The following UST variants were observed in gnomAD, a reference collection of about 807,000 sequenced individuals.
The protein encoded by UST is uronyl 2-sulfotransferase.
Under a neutral mutation model 45.6 loss-of-function variants are expected in UST, and 21 were observed. The ratio of observed to expected loss-of-function variants is 0.46; its 90% CI spans 0.33 to 0.66. The LOEUF (loss-of-function observed/expected upper bound fraction) is 0.66. Ranked by LOEUF, UST falls within the 30% of genes least tolerant of loss-of-function variation. The pLI, the probability that UST is intolerant of heterozygous loss-of-function variation, is 0.02. For missense variants in UST, 463 were observed against 512.4 expected (o/e 0.90, Z 0.93); for synonymous variants, 215 against 200.6 (o/e 1.07, Z -0.61).
intron 5 of UST, among the ~76,000 whole-genome samples, chr6:148,988,309 C>T (rs1451462961): frequency 6.6e-6 from 1 of 152,094 alleles, no homozygotes; most frequent in Admixed American, 6.5e-5. Context: ...TGCGGTGGCT[C>T]ATGCCTGTAA....
intron 6 of UST, among the ~76,000 whole-genome samples, chr6:149,020,210 G>A (rs1775958537): frequency 6.6e-6 from 1 of 152,104 alleles, no homozygotes; most frequent in Non-Finnish European, 1.5e-5. Context: ...TGTTTCATTT[G>A]CCATAACAAA....
chr6:149,008,410 C>T lies in UST; in HGVS notation c.682-10729C>T, dbSNP rs564083090. On this transcript the variant is annotated intron_variant, in intron 5 of 7. Coordinates refer to ENST00000367463, the MANE Select transcript of UST (RefSeq NM_005715.3). Reference sequence around the variant, plus strand: ...TGTGCTTGAGGTGGGTGGAACTCGCCCTTGTTGGACAATTTTCAGCATAAG... The same window carrying T: ...TGTGCTTGAGGTGGGTGGAACTCGCTCTTGTTGGACAATTTTCAGCATAAG... Among the ~76,000 whole-genome samples the T allele has an allele frequency of 2.6e-5, 4 of 152,210 alleles. No individual in the cohort carries two copies. The South Asian group carries it at 8.3e-4, about 32-fold the overall frequency.
At chr6:148,771,119 A>G (rs1034503660) in intron 1 of UST, among the ~76,000 whole-genome samples, 13 of 151,462 alleles carry the variant, frequency 8.6e-5, no homozygotes, top group Admixed American at 2.0e-4. Context: ...AAAAATCTCC[A>G]GTGTGCTTTT....
chr6:148,993,956 CTTTTTTTTTTTT>C lies in UST; in HGVS notation c.682-25166_682-25155del, dbSNP rs57552256. 3.8e-4 allele frequency among the ~76,000 whole-genome samples: 36 copies of C among 95,362 alleles called. 1 individual carries two copies. The highest frequency in any genetic ancestry group is 1.6e-3 in the African/African-American group (34 of 21,860). 62.6% of individuals were successfully genotyped at this position (95,362 alleles called of 152,430 possible). ...TTACCCAGTCTTGAATATTTCTTTC[CTTTTTTTTTTTT>C]TTTTTTTTTTTTTTTTGTTGAGACA... On this transcript the variant is annotated intron_variant, in intron 5 of 7. Transcript: ENST00000367463.
intron 5 of UST, among the ~76,000 whole-genome samples, chr6:149,013,199 T>G (rs192451474): frequency 1.3e-5 from 2 of 152,294 alleles, no homozygotes; most frequent in Admixed American, 1.3e-4. Flanking sequence ...CTCGTAAGTT[T>G]TGGTATCTAA....
At chr6:148,750,739 A>G (rs1171050335) in intron 1 of UST, among the ~76,000 whole-genome samples, 2 of 152,194 alleles carry the variant, frequency 1.3e-5, no homozygotes, top group African/African-American at 4.8e-5. Flanking sequence ...CAGAGAAGGG[A>G]AATAATTCAA....
intron 2 of UST, among the ~76,000 whole-genome samples, chr6:148,935,854 A>G (rs138021600): frequency 6.6e-6 from 1 of 152,306 alleles, no homozygotes; most frequent in Non-Finnish European, 1.5e-5. Context: ...GGAAGGAGAG[A>G]GAGGCTAATC....
intron 5 of UST, among the ~76,000 whole-genome samples, chr6:149,015,115 C>T (rs959501520): frequency 6.6e-6 from 1 of 152,050 alleles, no homozygotes; most frequent in Non-Finnish European, 1.5e-5. Flanking sequence ...TGAGACCAGC[C>T]GGCCCTTTAG....
chr6:148,769,730 A>G (rs1264476156), intron 1 of UST, among the ~76,000 whole-genome samples: 4 of 150,198 alleles, frequency 2.7e-5, no homozygotes, highest in African/African-American at 1.0e-4. Context: ...ATGGGAGTAT[A>G]GGAATGTAGG....
intron 5 of UST, among the ~76,000 whole-genome samples, chr6:149,009,733 C>T (rs948108698): frequency 1.6e-4 from 24 of 151,836 alleles, no homozygotes; most frequent in African/African-American, 5.8e-4. Flanking sequence ...TAGAATCCAG[C>T]TAAATGGGAT....
At position 149,017,819 on chromosome 6, in the gene UST, C is replaced by T. The variant is rs972785811; in HGVS notation, c.682-1320C>T. On this transcript the variant is annotated intron_variant, in intron 5 of 7. Transcript: ENST00000367463. ...ATATATACACACACACACACACACACACACACACACACACACACATCTGTC... is the reference window on the plus strand; with the variant it reads ...ATATATACACACACACACACACACATACACACACACACACACACATCTGTC... Among the ~76,000 whole-genome samples the T allele has an allele frequency of 9.3e-3, 1,410 of 151,592 alleles. 32 individuals carry two copies. Among genetic ancestry groups the T allele is most frequent in the African/African-American group, 0.033 (1,339 of 41,078 alleles).
intron 1 of UST, among the ~76,000 whole-genome samples, chr6:148,886,056 T>A (rs1778907485): frequency 6.6e-6 from 1 of 152,226 alleles, no homozygotes; most frequent in South Asian, 2.1e-4. Flanking sequence ...GCTCCCCAGG[T>A]GATCAGATGT....
At chr6:148,833,885 C>T (rs1777737907) in intron 1 of UST, among the ~76,000 whole-genome samples, 1 of 152,212 alleles carries the variant, frequency 6.6e-6, no homozygotes, top group Admixed American at 6.5e-5. Context: ...GTCTTAAGGG[C>T]TGGCGTAAAC....
At chr6:148,961,372 C>T (rs1158496412) in intron 4 of UST, among the ~76,000 whole-genome samples, 1 of 152,120 alleles carries the variant, frequency 6.6e-6, no homozygotes, top group Non-Finnish European at 1.5e-5. Context: ...AGTGTATGCA[C>T]TACTTAGAAC....
chr6:149,036,947 T>C (rs919119367), intron 7 of UST, among the ~76,000 whole-genome samples: 6 of 152,204 alleles, frequency 3.9e-5, no homozygotes, highest in African/African-American at 1.4e-4. Context: ...CAGACTCCTG[T>C]GATCAGAGGC....
chr6:148,885,159 G>A (rs1261998842), intron 1 of UST, among the ~76,000 whole-genome samples: 1 of 152,178 alleles, frequency 6.6e-6, no homozygotes, highest in South Asian at 2.1e-4. Context: ...AGGAACTTCA[G>A]TTCTTATGGA....
At chr6:148,759,847 CAAAAAAA>C (rs71554421) in intron 1 of UST, among the ~76,000 whole-genome samples, 4 of 59,206 alleles carry the variant, frequency 6.8e-5, no homozygotes, top group East Asian at 4.7e-4. Context: ...GACTCTGTCT[CAAAAAAA>C]AAAAAAAAAA....
At chr6:148,755,622 TTCTCATGAGA>T (rs1776078858) in intron 1 of UST, among the ~76,000 whole-genome samples, 2 of 151,842 alleles carry the variant, frequency 1.3e-5, no homozygotes, top group South Asian at 4.2e-4. Flanking sequence ...TGATAGTGAG[TTCTCATGAGA>T]TCTGATGGTT....
Position 149,073,914 on chromosome 6 carries a change from G to A in UST, c.1019G>A (p.Arg340Gln), listed in dbSNP as rs143435511. The A allele has an allele frequency of 4.4e-5, 71 of 1,614,036 alleles. No individual in the cohort carries two copies. Among genetic ancestry groups the A allele is most frequent in the African/African-American group, 5.3e-5 (4 of 74,904 alleles). The change falls in exon 8 of 8, where the codon CGG (arginine) becomes CAG (glutamine). Residue 340 changes from arginine to glutamine, a missense_variant. Coordinates refer to ENST00000367463, the MANE Select transcript of UST (RefSeq NM_005715.3). ...GAGGCTGTGCAGATCCTCTACCAGC[G>A]GATGAGATACGAGTACGAGTTTTAC... The part of the protein sequence containing the change: ...SPEAVQILYQ[R>Q]MRYEYEFYHY...
Sources: gnomAD v4.1 joint callset for allele counts (sites outside exome capture counted in the v4.1 genomes callset) on GRCh38, gnomAD v4.1.1 for gene constraint, MANE v1.5 for transcripts, NCBI Gene and HGNC (gene_info 2026-07-23, HGNC 2026-07-21) for gene names.